Variants in TRABD2B observed in about 807,000 individuals in gnomAD.
TRABD2B encodes the protein metalloprotease TIKI2.
A neutral mutation model predicts 40.1 loss-of-function variants in TRABD2B; 14 were observed. The ratio of observed to expected loss-of-function variants is 0.35; its 90% CI spans 0.23 to 0.55. TRABD2B has a LOEUF of 0.55. TRABD2B is among the 20% of genes least tolerant of loss of function. The pLI is 0.90. For synonymous variants in TRABD2B, 263 were observed against 277.0 expected, an observed-to-expected ratio of 0.95 and a Z score of 0.50; for missense variants, 541 against 648.6, an observed-to-expected ratio of 0.83 and a Z score of 1.80.
chr1:47,930,461 T>C (rs910251820), intron 2 of TRABD2B, among the ~76,000 whole-genome samples: 1 of 151,918 alleles, frequency 6.6e-6, no homozygotes, highest in African/African-American at 2.4e-5. Flanking sequence ...CCTGGTGGCT[T>C]AGGAAGTGGG....
chr1:47,997,057 G>A lies in TRABD2B; in HGVS notation c.-268C>T. The A allele has an allele frequency of 3.0e-6, 3 of 984,716 alleles. No homozygotes were observed. The highest frequency in any genetic ancestry group is 3.6e-6 in the Non-Finnish European group (3 of 829,688). The allele number at this position is 984,716 out of a possible 1,614,324, so 61.0% of individuals were successfully genotyped here. ...CGCTGGCCGAGCCCCCGGGTGCTGA[G>A]GGCGTGTTGGGGTCCGGGGGCGCGC... is the stretch of plus-strand genomic sequence containing the variant. On this transcript the variant is annotated 5_prime_UTR_variant, in exon 1 of 7. Transcript: ENST00000606738.
chr1:47,920,770 C>T (rs1002030587), intron 2 of TRABD2B, among the ~76,000 whole-genome samples: 2 of 152,180 alleles, frequency 1.3e-5, no homozygotes, highest in South Asian at 2.1e-4. Flanking sequence ...CACAGGGTTG[C>T]GTGCTTAACA....
intron 2 of TRABD2B, among the ~76,000 whole-genome samples, chr1:47,845,104 G>A (rs1028541572): frequency 6.6e-6 from 1 of 152,132 alleles, no homozygotes. Context: ...CTGGTCAGGT[G>A]CGTGCTCGTG....
At chr1:47,980,809 T>A (rs539379570) in intron 2 of TRABD2B, among the ~76,000 whole-genome samples, 1 of 152,208 alleles carries the variant, frequency 6.6e-6, no homozygotes. Flanking sequence ...TCATTCTATC[T>A]CCTAGAAAAT....
chr1:47,781,831 T>A (rs764918407), intron 4 of TRABD2B, among the ~76,000 whole-genome samples: 6 of 152,176 alleles, frequency 3.9e-5, no homozygotes, highest in Non-Finnish European at 8.8e-5. Flanking sequence ...CACCCTGCCC[T>A]CTCTGGGCTT....
chr1:47,799,358 G>A (rs189950095), intron 3 of TRABD2B, among the ~76,000 whole-genome samples: 84 of 152,292 alleles, frequency 5.5e-4, no homozygotes, highest in African/African-American at 1.8e-3. Flanking sequence ...GGGGTCACTC[G>A]TAGGTGAGAT....
chr1:47,957,449 A>G (rs60659746), intron 2 of TRABD2B, among the ~76,000 whole-genome samples: 64,708 of 151,990 alleles, frequency 0.43, 13,990 homozygotes, highest in East Asian at 0.61. Flanking sequence ...CCATCACAAA[A>G]AAGCTAAAAA....
chr1:47,978,380 T>C, intron 2 of TRABD2B, among the ~76,000 whole-genome samples: 1 of 152,164 alleles, frequency 6.6e-6, no homozygotes, highest in South Asian at 2.1e-4. Context: ...TATAGCAACA[T>C]GAACAGACTA....
chr1:47,849,641 C>T (rs892095294), intron 2 of TRABD2B, among the ~76,000 whole-genome samples: 1 of 152,216 alleles, frequency 6.6e-6, no homozygotes, highest in African/African-American at 2.4e-5. Flanking sequence ...GTCTTTACCT[C>T]TCTGTCTCCA....
chr1:47,780,972 G>A (rs543005180), intron 4 of TRABD2B, among the ~76,000 whole-genome samples: 20 of 152,300 alleles, frequency 1.3e-4, no homozygotes, highest in African/African-American at 4.6e-4. Flanking sequence ...TTCTTTGACC[G>A]ACTCCTTGGG....
At chr1:47,809,834 C>T (rs867088435) in intron 2 of TRABD2B, among the ~76,000 whole-genome samples, 8 of 152,310 alleles carry the variant, frequency 5.3e-5, no homozygotes, top group Middle Eastern at 3.4e-3. Context: ...ATCTAGTCAC[C>T]ACTGGACTCT....
At chr1:47,980,511 C>T (rs1282362702) in intron 2 of TRABD2B, among the ~76,000 whole-genome samples, 1 of 152,216 alleles carries the variant, frequency 6.6e-6, no homozygotes, top group East Asian at 1.9e-4. Flanking sequence ...AGTACACTAA[C>T]ACAGTAGATT....
chr1:47,988,939 C>T (rs1645960585), intron 2 of TRABD2B, among the ~76,000 whole-genome samples: 1 of 152,308 alleles, frequency 6.6e-6, no homozygotes, highest in South Asian at 2.1e-4. Context: ...TATGTTGAAA[C>T]CTAACCACCA....
At chr1:47,800,483 G>T (rs1644807445) in intron 3 of TRABD2B, among the ~76,000 whole-genome samples, 1 of 152,208 alleles carries the variant, frequency 6.6e-6, no homozygotes, top group Non-Finnish European at 1.5e-5. Flanking sequence ...CAGCCCAAGT[G>T]GTGTGCAGGA....
intron 2 of TRABD2B, among the ~76,000 whole-genome samples, chr1:47,830,194 C>T (rs559169112): frequency 5.2e-4 from 79 of 152,384 alleles, no homozygotes; most frequent in African/African-American, 1.8e-3. Context: ...AAGGCAGCAG[C>T]ATCGCACCCT....
intron 2 of TRABD2B, among the ~76,000 whole-genome samples, chr1:47,967,284 T>G (rs1248732768): frequency 1.3e-5 from 2 of 152,018 alleles, no homozygotes; most frequent in Admixed American, 6.6e-5. Context: ...TTGAATTAGC[T>G]GAGTTATCCA....
chr1:47,872,855 G>A (rs539486627), intron 2 of TRABD2B, among the ~76,000 whole-genome samples: 1 of 152,254 alleles, frequency 6.6e-6, no homozygotes, highest in African/African-American at 2.4e-5. Context: ...CAGGGCTCCT[G>A]TGCCTGACAG....
At chr1:47,989,552 G>A (rs755667561) in intron 2 of TRABD2B, among the ~76,000 whole-genome samples, 2 of 152,170 alleles carry the variant, frequency 1.3e-5, no homozygotes, top group Non-Finnish European at 2.9e-5. Context: ...GTGTGTGTGT[G>A]TATGTCTTCA....
intron 2 of TRABD2B, among the ~76,000 whole-genome samples, chr1:47,952,314 C>T (rs1645356956): frequency 6.6e-6 from 1 of 152,188 alleles, no homozygotes; most frequent in Non-Finnish European, 1.5e-5. Flanking sequence ...AGGAATCCTC[C>T]CTTGCTCCCT....
Sources: gnomAD v4.1 joint callset for allele counts (sites outside exome capture counted in the v4.1 genomes callset) on GRCh38, gnomAD v4.1.1 for gene constraint, MANE v1.5 for transcripts, NCBI Gene and HGNC (gene_info 2026-07-23, HGNC 2026-07-21) for gene names.